Variants in ZMAT4 observed in about 807,000 individuals in gnomAD.
The protein encoded by ZMAT4 is zinc finger matrin-type 4.
ZMAT4 carries 17 observed loss-of-function variants against 28.7 expected under a neutral mutation model. The ratio of observed to expected loss-of-function variants is 0.59; its 90% CI spans 0.41 to 0.89. The LOEUF (loss-of-function observed/expected upper bound fraction) is 0.89, where lower values mean the gene tolerates loss of function less well. Ranked by LOEUF, ZMAT4 falls within the 40% of genes least tolerant of loss-of-function variation. The pLI is 0.00. For synonymous variants in ZMAT4, 117 were observed against 109.2 expected, an observed-to-expected ratio of 1.07 and a Z score of -0.44; for missense variants, 240 against 283.8, an observed-to-expected ratio of 0.85 and a Z score of 1.11.
At chr8:40,623,336 T>C (rs1806264588) in intron 5 of ZMAT4, among the ~76,000 whole-genome samples, 1 of 152,212 alleles carries the variant, frequency 6.6e-6, no homozygotes, top group South Asian at 2.1e-4. Context: ...AGGCAAACAC[T>C]GTAAGCATTC....
intron 5 of ZMAT4, 58 bp downstream of exon 5, chr8:40,674,646 C>A: frequency 7.3e-7 from 1 of 1,363,414 alleles, no homozygotes; most frequent in South Asian, 1.2e-5. Context: ...TTTGTGAAAG[C>A]CGCATCTTTT....
chr8:40,867,819 C>A (rs1317515544), intron 1 of ZMAT4, among the ~76,000 whole-genome samples: 3 of 152,124 alleles, frequency 2.0e-5, no homozygotes, highest in Non-Finnish European at 2.9e-5. Context: ...TCCCACTCTG[C>A]ATTTATTATC....
rs1459399659 is a variant in ZMAT4, at chr8:40,640,336, A to G, written c.577+34368T>C. On this transcript the variant is annotated intron_variant, in intron 5 of 6. Transcript: ENST00000297737. ...CAGAGGATGTGAAGGCTAGAATGGT[A>G]GCTCAGCAGAATCCAATAGGTCCAT... Among the ~76,000 whole-genome samples the G allele has an allele frequency of 2.0e-5, 3 of 152,160 alleles. No individual in the cohort carries two copies. The East Asian group carries it at 5.8e-4, about 29-fold the overall frequency.
intron 1 of ZMAT4, among the ~76,000 whole-genome samples, chr8:40,869,921 C>T (rs141709611): frequency 2.5e-4 from 38 of 152,184 alleles, no homozygotes; most frequent in Middle Eastern, 3.4e-3. Context: ...TTTTCTTTAC[C>T]ATCCTTAGGC....
intron 5 of ZMAT4, among the ~76,000 whole-genome samples, chr8:40,617,772 A>T (rs1035531023): frequency 6.6e-6 from 1 of 152,230 alleles, no homozygotes; most frequent in African/African-American, 2.4e-5. Context: ...ATAACAAAAG[A>T]TGATAGCATT....
At chr8:40,647,290 T>A (rs577643939) in intron 5 of ZMAT4, among the ~76,000 whole-genome samples, 75 of 152,260 alleles carry the variant, frequency 4.9e-4, no homozygotes, top group African/African-American at 1.7e-3. Context: ...GGAGTTCCCT[T>A]TCCGAGTCAA....
intron 3 of ZMAT4, among the ~76,000 whole-genome samples, chr8:40,717,385 T>A (rs1810901620): frequency 6.6e-6 from 1 of 152,200 alleles, no homozygotes; most frequent in Admixed American, 6.5e-5. Flanking sequence ...CAGGGTACAG[T>A]GGCTCACGCC....
chr8:40,542,852 A>G (rs1196572905), intron 6 of ZMAT4, among the ~76,000 whole-genome samples: 1 of 152,222 alleles, frequency 6.6e-6, no homozygotes, highest in East Asian at 1.9e-4. Context: ...ATGTCACTTC[A>G]TCTCCACAAG....
intron 2 of ZMAT4, among the ~76,000 whole-genome samples, chr8:40,818,119 C>T (rs1206759185): frequency 6.6e-6 from 1 of 152,170 alleles, no homozygotes; most frequent in Non-Finnish European, 1.5e-5. Context: ...GTGCATATTG[C>T]CTGAGTTGGG....
At chr8:40,613,719 GC>G (rs1468872176) in intron 5 of ZMAT4, among the ~76,000 whole-genome samples, 1 of 152,102 alleles carries the variant, frequency 6.6e-6, no homozygotes, top group African/African-American at 2.4e-5. Context: ...TAAGTCACTT[GC>G]CCTGAAAGTG....
chr8:40,747,927 G>A (rs1464442911), intron 3 of ZMAT4, among the ~76,000 whole-genome samples: 1 of 151,992 alleles, frequency 6.6e-6, no homozygotes, highest in African/African-American at 2.4e-5. Flanking sequence ...AATGAAACAA[G>A]ATTTTTTTCT....
chr8:40,651,776 C>T (rs201803944), intron 5 of ZMAT4, among the ~76,000 whole-genome samples: 67,767 of 143,436 alleles, frequency 0.47, 17,351 homozygotes, highest in Non-Finnish European at 0.58. Flanking sequence ...GAAATAACGC[C>T]GCATATCTAC....
intron 1 of ZMAT4, among the ~76,000 whole-genome samples, chr8:40,862,823 C>T (rs1221982736): frequency 2.8e-5 from 4 of 145,106 alleles, no homozygotes; most frequent in Non-Finnish European, 4.5e-5. Context: ...GCCTGTCATG[C>T]GGTGGGGGGA....
intron 2 of ZMAT4, among the ~76,000 whole-genome samples, chr8:40,768,133 T>G (rs1813239114): frequency 6.6e-6 from 1 of 152,208 alleles, no homozygotes; most frequent in African/African-American, 2.4e-5. Flanking sequence ...AATGCCTCCT[T>G]GGGAGCCTGG....
At chr8:40,673,237 A>T (rs961978191) in intron 5 of ZMAT4, among the ~76,000 whole-genome samples, 3 of 152,172 alleles carry the variant, frequency 2.0e-5, no homozygotes, top group Non-Finnish European at 4.4e-5. Flanking sequence ...CAAATCAAGT[A>T]TATTCCCTTG....
intron 1 of ZMAT4, among the ~76,000 whole-genome samples, chr8:40,874,124 C>G (rs1817955913): frequency 6.6e-6 from 1 of 152,226 alleles, no homozygotes; most frequent in Non-Finnish European, 1.5e-5. Context: ...CCAGACACTA[C>G]TCCCTATAAA....
intron 2 of ZMAT4, among the ~76,000 whole-genome samples, chr8:40,796,755 G>T (rs74928486): frequency 6.6e-6 from 1 of 152,198 alleles, no homozygotes; most frequent in Non-Finnish European, 1.5e-5. Flanking sequence ...TTCTTCATCA[G>T]ATCTAGTCTG....
chr8:40,833,618 C>A (rs1816370806), intron 1 of ZMAT4, among the ~76,000 whole-genome samples: 1 of 151,250 alleles, frequency 6.6e-6, no homozygotes, highest in South Asian at 2.1e-4. Flanking sequence ...CAGCAGGCAG[C>A]TAGGGTGCAG....
chr8:40,757,833 G>A (rs914764101), intron 3 of ZMAT4, among the ~76,000 whole-genome samples: 1 of 152,094 alleles, frequency 6.6e-6, no homozygotes, highest in Non-Finnish European at 1.5e-5. Flanking sequence ...AGTGGACTGG[G>A]AGAGGCAGAC....
Sources: gnomAD v4.1 joint callset for allele counts (sites outside exome capture counted in the v4.1 genomes callset) on GRCh38, gnomAD v4.1.1 for gene constraint, MANE v1.5 for transcripts, NCBI Gene and HGNC (gene_info 2026-07-23, HGNC 2026-07-21) for gene names.